The following ALK variants were observed in gnomAD, a reference collection of about 807,000 sequenced individuals.
The protein encoded by ALK is ALK receptor tyrosine kinase, also known as ALK tyrosine kinase receptor.
A neutral mutation model predicts 163.1 loss-of-function variants in ALK; 74 were observed. The ratio of observed to expected loss-of-function variants is 0.45; its 90% CI spans 0.38 to 0.55. The LOEUF (loss-of-function observed/expected upper bound fraction) is 0.55, where lower values mean the gene tolerates loss of function less well. Among genes scored for constraint, ALK ranks in the 20% least tolerant of loss-of-function variants. The pLI, the probability that ALK is intolerant of heterozygous loss-of-function variation, is 0.00. For synonymous variants in ALK, 960 were observed against 843.2 expected, an observed-to-expected ratio of 1.14 and a Z score of -2.40; for missense variants, 2,063 against 2,105.3, an observed-to-expected ratio of 0.98 and a Z score of 0.39.
chr2:29,737,963 G>T (rs1477475184), intron 1 of ALK, among the ~76,000 whole-genome samples: 1 of 151,996 alleles, frequency 6.6e-6, no homozygotes, highest in Non-Finnish European at 1.5e-5. Context: ...GCACAAGAGA[G>T]AGCAAGAGCA....
At chr2:29,338,316 C>T (rs925478036) in intron 5 of ALK, among the ~76,000 whole-genome samples, 2 of 152,208 alleles carry the variant, frequency 1.3e-5, no homozygotes, top group Admixed American at 1.3e-4. Context: ...GGAGTCACCT[C>T]ACCACCAGAG....
rs563496393 is a variant in ALK, at chr2:29,766,800, G to A, written c.668-49103C>T. Reference sequence around the variant, plus strand: ...CCTCTGCATGATTTACTTTCTGACAGAAAGCATGAAAGTGTCCCTGACAGA... The same window carrying A: ...CCTCTGCATGATTTACTTTCTGACAAAAAGCATGAAAGTGTCCCTGACAGA... On this transcript the variant is annotated intron_variant, in intron 1 of 28. Coordinates refer to ENST00000389048, the MANE Select transcript of ALK (RefSeq NM_004304.5). Among the ~76,000 whole-genome samples the A allele has an allele frequency of 4.3e-4, 66 of 152,244 alleles. 1 individual carries two copies. The highest frequency in any genetic ancestry group is 1.5e-3 in the African/African-American group (63 of 41,532).
intron 4 of ALK, among the ~76,000 whole-genome samples, chr2:29,436,469 C>T (rs1670400079): frequency 6.6e-6 from 1 of 152,168 alleles, no homozygotes; most frequent in Non-Finnish European, 1.5e-5. Context: ...AAATTATTAC[C>T]TCCAAACTCT....
chr2:29,323,925 C>T (rs1381425254), intron 6 of ALK, among the ~76,000 whole-genome samples: 2 of 152,202 alleles, frequency 1.3e-5, no homozygotes, highest in Non-Finnish European at 2.9e-5. Flanking sequence ...CTCTTTACCA[C>T]TCAAAATGTG....
chr2:29,260,855 A>C lies in ALK; in HGVS notation c.2042-9588T>G, dbSNP rs1012710471. Among the ~76,000 whole-genome samples the C allele has an allele frequency of 4.6e-3, 700 of 152,182 alleles. 10 individuals carry two copies. Among genetic ancestry groups the C allele is most frequent in the African/African-American group, 0.015 (637 of 41,536 alleles). Reference sequence around the variant, plus strand: ...CCTCAAAAACAAAACAAAACAAAAAAAAAAACAACAACAAAAAAACGCAGT... The same window carrying C: ...CCTCAAAAACAAAACAAAACAAAAACAAAAACAACAACAAAAAAACGCAGT... On this transcript the variant is annotated intron_variant, in intron 11 of 28. Transcript: ENST00000389048.
intron 1 of ALK, among the ~76,000 whole-genome samples, chr2:29,824,260 G>A (rs1665132758): frequency 1.3e-5 from 2 of 152,240 alleles, no homozygotes. Flanking sequence ...TTTGCTGCAG[G>A]GGAAGGTCCC....
intron 1 of ALK, among the ~76,000 whole-genome samples, chr2:29,904,607 T>A (rs924482364): frequency 6.6e-6 from 1 of 152,158 alleles, no homozygotes; most frequent in African/African-American, 2.4e-5. Flanking sequence ...AAAATTTACC[T>A]CATTTACTCC....
chr2:29,424,186 G>A (rs1236481411), intron 4 of ALK, among the ~76,000 whole-genome samples: 2 of 152,050 alleles, frequency 1.3e-5, no homozygotes, highest in African/African-American at 2.4e-5. Flanking sequence ...AAACTTTTGG[G>A]GTGTCCAATA....
At chr2:29,873,455 C>A (rs1382624439) in intron 1 of ALK, among the ~76,000 whole-genome samples, 2 of 152,032 alleles carry the variant, frequency 1.3e-5, no homozygotes, top group Admixed American at 1.3e-4. Context: ...GGTGCAGGCA[C>A]TGAGAATGGG....
At chr2:29,457,184 C>T (rs1670977260) in intron 4 of ALK, among the ~76,000 whole-genome samples, 2 of 152,090 alleles carry the variant, frequency 1.3e-5, no homozygotes, top group African/African-American at 4.8e-5. Flanking sequence ...TCCTTACCTA[C>T]TTAGTCCACT....
chr2:29,659,045 C>A (rs892444998), intron 3 of ALK, among the ~76,000 whole-genome samples: 2 of 152,068 alleles, frequency 1.3e-5, no homozygotes, highest in African/African-American at 4.8e-5. Flanking sequence ...TCCTCCCTCC[C>A]CTCCCCTTAA....
At chr2:29,329,052 G>A (rs1401067061) in intron 5 of ALK, among the ~76,000 whole-genome samples, 1 of 152,182 alleles carries the variant, frequency 6.6e-6, no homozygotes, top group Non-Finnish European at 1.5e-5. Flanking sequence ...CTGCCTGGCT[G>A]TATGAGGCTG....
intron 3 of ALK, among the ~76,000 whole-genome samples, chr2:29,586,928 C>T (rs1674904778): frequency 6.6e-6 from 1 of 152,142 alleles, no homozygotes; most frequent in African/African-American, 2.4e-5. Context: ...CTGAGATTCC[C>T]AGACTCCTGG....
At chr2:29,418,874 C>T (rs1051594523) in intron 4 of ALK, among the ~76,000 whole-genome samples, 1 of 147,112 alleles carries the variant, frequency 6.8e-6, no homozygotes, top group Non-Finnish European at 1.5e-5. Context: ...ATTTGTTGAT[C>T]ACTCATTCAC....
chr2:29,843,656 G>A (rs1665758761), intron 1 of ALK, among the ~76,000 whole-genome samples: 1 of 152,166 alleles, frequency 6.6e-6, no homozygotes. Context: ...AAAGACCAAA[G>A]TGGTCATTGA....
chr2:29,290,118 A>G lies in ALK; in HGVS notation c.1817+6770T>C, dbSNP rs76231500. On this transcript the variant is annotated intron_variant, in intron 9 of 28. Transcript: ENST00000389048. ...GTACATTTCATGCTTGGAAACCTTC[A>G]CAGGATGCTGTCTCGTGAAGTGAAA... Among the ~76,000 whole-genome samples, 6 of 152,282 alleles carry G rather than the reference A, an allele frequency of 3.9e-5. No homozygotes were observed. In the East Asian group the frequency reaches 1.2e-3, roughly 29 times the overall value.
chr2:29,266,776 T>C (rs79419943), intron 11 of ALK, among the ~76,000 whole-genome samples: 8,324 of 152,314 alleles, frequency 0.055, 273 homozygotes, highest in Middle Eastern at 0.078. Context: ...CGTGACTATT[T>C]AAGCATCTGT....
chr2:29,523,164 C>T (rs1672859740), intron 4 of ALK, among the ~76,000 whole-genome samples: 1 of 152,152 alleles, frequency 6.6e-6, no homozygotes, highest in Admixed American at 6.5e-5. Context: ...GTGGCCACAG[C>T]TCATCATCTG....
At chr2:29,409,579 T>C (rs896169678) in intron 4 of ALK, among the ~76,000 whole-genome samples, 1 of 152,152 alleles carries the variant, frequency 6.6e-6, no homozygotes, top group African/African-American at 2.4e-5. Flanking sequence ...AGCCCAGAGC[T>C]TCCTTAATCT....
Sources: allele counts gnomAD v4.1 joint callset (sites outside exome capture counted in the v4.1 genomes callset), GRCh38; gene constraint gnomAD v4.1.1; transcripts MANE v1.5; gene names NCBI Gene and HGNC (gene_info 2026-07-23, HGNC 2026-07-21).